CSMD1: variants seen among roughly 807,000 people sequenced by gnomAD.
CSMD1 encodes the protein CUB and sushi domain-containing protein 1.
Under a neutral mutation model 417.5 loss-of-function variants are expected in CSMD1, and 213 were observed. The ratio of observed to expected loss-of-function variants is 0.51; its 90% confidence interval spans 0.46 to 0.57. CSMD1 has a LOEUF of 0.57. CSMD1 is among the 20% of genes least tolerant of loss of function. CSMD1 has a pLI of 0.00. For synonymous variants in CSMD1, 2,862 were observed against 1,736.8 expected (o/e 1.65, Z -16.11); for missense variants, 6,923 against 4,529.7 (o/e 1.53, Z -15.17).
chr8:3,284,621 T>C (rs1803008672), intron 25 of CSMD1: 1 of 409,586 alleles, frequency 2.4e-6, no homozygotes, highest in East Asian at 4.9e-5. Context: ...GATAAAAGGA[T>C]TGCTTTTGAG....
At chr8:4,388,039 T>C (rs113991199) in intron 3 of CSMD1, among the ~76,000 whole-genome samples, 12 of 152,192 alleles carry the variant, frequency 7.9e-5, no homozygotes, top group African/African-American at 2.9e-4. Flanking sequence ...TTTACCACAT[T>C]CCTGATGAAT....
intron 5 of CSMD1, among the ~76,000 whole-genome samples, chr8:3,952,285 A>G (rs1255317967): frequency 6.6e-6 from 1 of 152,172 alleles, no homozygotes. Context: ...ATACTTCTAG[A>G]GGCTACGCGA....
intron 26 of CSMD1, among the ~76,000 whole-genome samples, chr8:3,243,766 A>G (rs958520883): frequency 4.0e-5 from 6 of 150,548 alleles, no homozygotes; most frequent in Non-Finnish European, 8.9e-5. Flanking sequence ...TTATATAAAC[A>G]ATATCATTTA....
intron 1 of CSMD1, among the ~76,000 whole-genome samples, chr8:4,851,458 C>G (rs1801476575): frequency 6.6e-6 from 1 of 151,968 alleles, no homozygotes; most frequent in African/African-American, 2.4e-5. Context: ...TTGTCAACCT[C>G]TATTTTTTTT....
At chr8:3,440,930 G>A (rs1367176138) in intron 12 of CSMD1, among the ~76,000 whole-genome samples, 2 of 152,180 alleles carry the variant, frequency 1.3e-5, no homozygotes, top group African/African-American at 4.8e-5. Context: ...GTCCCCAGAC[G>A]TGGTGACTGT....
intron 1 of CSMD1, among the ~76,000 whole-genome samples, chr8:4,656,482 G>A (rs769604996): frequency 3.6e-4 from 55 of 151,962 alleles, no homozygotes; most frequent in Admixed American, 9.2e-4. Context: ...GAACATTTAC[G>A]GACCATTTCA....
At chr8:3,630,612 G>T (rs939834977) in intron 7 of CSMD1, among the ~76,000 whole-genome samples, 2 of 152,138 alleles carry the variant, frequency 1.3e-5, no homozygotes, top group Admixed American at 6.5e-5. Context: ...TGAAGTGTTG[G>T]GCTGGCATGC....
chr8:4,134,865 C>G (rs917896041), intron 3 of CSMD1, among the ~76,000 whole-genome samples: 11 of 152,130 alleles, frequency 7.2e-5, no homozygotes, highest in African/African-American at 2.4e-4. Context: ...CCAATTGCTC[C>G]TAGAATAAAG....
intron 1 of CSMD1, among the ~76,000 whole-genome samples, chr8:4,971,414 A>T (rs1285426370): frequency 6.6e-6 from 1 of 152,080 alleles, no homozygotes; most frequent in Non-Finnish European, 1.5e-5. Context: ...TTTCTCTAAC[A>T]CTACAATAAT....
chr8:3,050,490 T>G (rs1404210692), intron 50 of CSMD1, among the ~76,000 whole-genome samples: 1 of 152,210 alleles, frequency 6.6e-6, no homozygotes, highest in Non-Finnish European at 1.5e-5. Flanking sequence ...TTGTTCTTAT[T>G]AAAATCAACC....
chr8:4,247,780 C>G (rs189665339), intron 3 of CSMD1, among the ~76,000 whole-genome samples: 22 of 152,090 alleles, frequency 1.4e-4, no homozygotes, highest in Non-Finnish European at 2.8e-4. Flanking sequence ...AAAATAGAAT[C>G]TGAAAAAAGT....
intron 5 of CSMD1, among the ~76,000 whole-genome samples, chr8:3,882,231 G>C (rs1370932347): frequency 5.3e-5 from 8 of 151,948 alleles, no homozygotes; most frequent in Admixed American, 4.6e-4. Context: ...GGAAAAAAAA[G>C]TAATTGATTT....
chr8:4,314,200 C>T (rs954794038), intron 3 of CSMD1, among the ~76,000 whole-genome samples: 1 of 151,980 alleles, frequency 6.6e-6, no homozygotes, highest in Non-Finnish European at 1.5e-5. Flanking sequence ...TCATTATTTT[C>T]AAGACTGCAG....
chr8:4,044,370 C>G (rs1439380943), intron 3 of CSMD1, among the ~76,000 whole-genome samples: 2 of 152,030 alleles, frequency 1.3e-5, no homozygotes, highest in Non-Finnish European at 2.9e-5. Context: ...TGATAAGAAC[C>G]TTGTCTTAAT....
intron 12 of CSMD1, among the ~76,000 whole-genome samples, chr8:3,467,951 C>G (rs1479904601): frequency 6.6e-6 from 1 of 152,174 alleles, no homozygotes; most frequent in East Asian, 1.9e-4. Flanking sequence ...TCCAACAGCT[C>G]CAGATAAATA....
intron 46 of CSMD1, 45 bp from the exon 47 acceptor site, chr8:3,097,082 T>G: frequency 7.2e-7 from 1 of 1,389,850 alleles, no homozygotes; most frequent in Non-Finnish European, 9.7e-7. Context: ...ATAAAATGAT[T>G]CCAACTGCAA....
chr8:4,475,904 C>T (rs1490884564), intron 2 of CSMD1, among the ~76,000 whole-genome samples: 1 of 152,168 alleles, frequency 6.6e-6, no homozygotes, highest in Admixed American at 6.5e-5. Flanking sequence ...TGAGCCACCT[C>T]ACCTGGCTCT....
At chr8:3,849,224 G>A (rs1803712389) in intron 5 of CSMD1, among the ~76,000 whole-genome samples, 2 of 152,062 alleles carry the variant, frequency 1.3e-5, no homozygotes, top group Admixed American at 1.3e-4. Flanking sequence ...AGAAAATGAT[G>A]GAAAAGAGGA....
intron 1 of CSMD1, among the ~76,000 whole-genome samples, chr8:4,952,465 A>G (rs529346341): frequency 2.0e-5 from 3 of 152,188 alleles, no homozygotes; most frequent in Non-Finnish European, 2.9e-5. Context: ...CCTATGTCTA[A>G]AAGAAAAGGC....
Sources: gnomAD v4.1 joint callset for allele counts (sites outside exome capture counted in the v4.1 genomes callset) on GRCh38, gnomAD v4.1.1 for gene constraint, MANE v1.5 for transcripts, NCBI Gene and HGNC (gene_info 2026-07-23, HGNC 2026-07-21) for gene names.